The following GOLPH3L variants were observed in gnomAD, a reference collection of about 807,000 sequenced individuals.
GOLPH3L encodes the protein Golgi phosphoprotein 3-like.
A neutral mutation model predicts 30.3 loss-of-function variants in GOLPH3L; 22 were observed. The observed-to-expected ratio is 0.73, with a 90% CI of 0.52 to 1.04. The LOEUF (loss-of-function observed/expected upper bound fraction) is 1.04. GOLPH3L is among the 50% of genes least tolerant of loss of function. The pLI is 0.00. For synonymous variants in GOLPH3L, 120 were observed against 128.2 expected, an observed-to-expected ratio of 0.94 and a Z score of 0.43; for missense variants, 303 against 345.8, an observed-to-expected ratio of 0.88 and a Z score of 0.98.
intron 2 of GOLPH3L, 107 bp from the exon 3 acceptor site, chr1:150,663,870 C>G: frequency 1.3e-6 from 1 of 798,122 alleles, no homozygotes; most frequent in South Asian, 1.7e-5. Context: ...TCACATCATA[C>G]TACATGAACT....
At chr1:150,660,024 A>C (rs1341197482) in intron 4 of GOLPH3L, among the ~76,000 whole-genome samples, 6 of 152,112 alleles carry the variant, frequency 3.9e-5, no homozygotes, top group Admixed American at 2.0e-4. Context: ...ACAGAGTGAG[A>C]CCGCATCTCA....
rs189920717 is a variant in GOLPH3L, at chr1:150,689,444, A to C, written c.183+5212T>G. 6.1e-4 allele frequency among the ~76,000 whole-genome samples: 93 copies of C among 152,308 alleles called. 1 individual carries two copies. The highest frequency in any genetic ancestry group is 2.2e-3 in the African/African-American group (93 of 41,576). On this transcript the variant is annotated intron_variant, in intron 2 of 4. Coordinates refer to ENST00000271732, the MANE Select transcript of GOLPH3L (RefSeq NM_018178.6). ...CTTACCAAAGGCAATAATAACAAAT[A>C]AGCAGATTCCTGATTTCAACAGGAG...
chr1:150,694,514 G>C (rs2867300), intron 2 of GOLPH3L, 142 bp downstream of exon 2: 219,371 of 544,102 alleles, frequency 0.4, 45,214 homozygotes, highest in South Asian at 0.53. Flanking sequence ...ATCGGTCACT[G>C]TCCCAACTCC....
intron 2 of GOLPH3L, among the ~76,000 whole-genome samples, chr1:150,670,107 T>C (rs34140753): frequency 0.39 from 58,351 of 148,330 alleles, 11,536 homozygotes; most frequent in South Asian, 0.56. Flanking sequence ...CTAAAAAATA[T>C]AAAAATTGGC....
intron 4 of GOLPH3L, among the ~76,000 whole-genome samples, chr1:150,653,455 CTTTTTTTTTTTTT>C (rs71086589): frequency 3.2e-5 from 2 of 62,656 alleles, no homozygotes; most frequent in Admixed American, 3.7e-4. Context: ...TTGAAAGCAA[CTTTTTTTTTTTTT>C]TTTTTTTTTT....
chr1:150,694,786 TCA>T lies in GOLPH3L; in HGVS notation c.51_52del (p.Glu18LysfsTer6). ...GTCTTCCTCACTTTCCATCTTCTTT[TCA>T]GAGTTCTTGCTTATTTCAGTGCGAC... On this transcript the variant is annotated frameshift_variant, in exon 2 of 5. Coordinates refer to ENST00000271732, the MANE Select transcript of GOLPH3L (RefSeq NM_018178.6). LOFTEE classifies it high-confidence loss of function. The T allele has an allele frequency of 2.0e-5, 32 of 1,613,588 alleles. No homozygotes were observed. Among genetic ancestry groups the T allele is most frequent in the Non-Finnish European group, 2.6e-5 (31 of 1,179,556 alleles).
In GOLPH3L at chr1:150,647,536, A is replaced by G. The variant is rs865808273; in HGVS notation, c.*785T>C. On this transcript the variant is annotated 3_prime_UTR_variant, in exon 5 of 5. Transcript: ENST00000271732. The stretch of plus-strand genomic sequence containing the variant: ...GTGGCCTGGGGGAAACAGGACAGTC[A>G]TATACCCCAAGAATGGAAATTTTCA... The G allele has an allele frequency of 1.3e-5, 2 of 152,228 alleles. No individual in the cohort carries two copies. Among genetic ancestry groups the G allele is most frequent in the Non-Finnish European group, 1.5e-5 (1 of 68,234 alleles). 9.4% of individuals were successfully genotyped at this position (152,228 alleles called of 1,614,324 possible). A position where few individuals can be genotyped will look rare whatever the true frequency, so the allele number is the denominator to read the frequency against.
chr1:150,694,873 A>G (rs369508395), intron 1 of GOLPH3L, 23 bp from the exon 2 acceptor site: 18 of 1,383,306 alleles, frequency 1.3e-5, no homozygotes, highest in South Asian at 1.3e-4. Flanking sequence ...GTGAAAAAAA[A>G]AATCCATATG....
At chr1:150,649,406 AC>A (rs1395047969) in intron 4 of GOLPH3L, among the ~76,000 whole-genome samples, 2 of 152,190 alleles carry the variant, frequency 1.3e-5, no homozygotes, top group Admixed American at 6.5e-5. Context: ...GAGAGGACTG[AC>A]TTTATTTGGA....
intron 2 of GOLPH3L, among the ~76,000 whole-genome samples, chr1:150,683,697 C>A (rs1651015304): frequency 9.5e-5 from 2 of 21,042 alleles, no homozygotes; most frequent in Admixed American, 9.3e-4. Context: ...GAGACTCTCT[C>A]TCAAAAAAAA....
At chr1:150,693,534 A>T (rs1273404516) in intron 2 of GOLPH3L, among the ~76,000 whole-genome samples, 2 of 151,952 alleles carry the variant, frequency 1.3e-5, no homozygotes, top group African/African-American at 4.8e-5. Context: ...CAGATTGTTT[A>T]AAATGTTACC....
Position 150,656,798 on chromosome 1 carries a change from C to T in GOLPH3L, c.430+5016G>A, listed in dbSNP as rs587595355. 7.2e-5 allele frequency among the ~76,000 whole-genome samples: 11 copies of T among 152,222 alleles called. No homozygotes were observed. In the South Asian group the frequency reaches 2.3e-3, roughly 32 times the overall value. ...TTATAAATAATCTTACTTGGCAAAC[C>T]CACTTAGCTAACTTTGTGGGTATTC... On this transcript the variant is annotated intron_variant, in intron 4 of 4. Coordinates refer to ENST00000271732, the MANE Select transcript of GOLPH3L (RefSeq NM_018178.6).
At chr1:150,680,545 T>C (rs964896914) in intron 2 of GOLPH3L, among the ~76,000 whole-genome samples, 22 of 152,344 alleles carry the variant, frequency 1.4e-4, no homozygotes, top group African/African-American at 5.1e-4. Context: ...CATTTTTCAG[T>C]GCCCTCTTGT....
At chr1:150,685,333 T>G (rs587647369) in intron 2 of GOLPH3L, among the ~76,000 whole-genome samples, 1 of 152,312 alleles carries the variant, frequency 6.6e-6, no homozygotes, top group East Asian at 1.9e-4. Context: ...AAGAAAGATA[T>G]GGATAAGACC....
At chr1:150,696,463 G>C (rs999841500) in intron 1 of GOLPH3L, among the ~76,000 whole-genome samples, 1 of 151,948 alleles carries the variant, frequency 6.6e-6, no homozygotes, top group Non-Finnish European at 1.5e-5. Context: ...TTAAGAACAG[G>C]GATATTGTCT....
chr1:150,667,351 G>T (rs587720077), intron 2 of GOLPH3L, among the ~76,000 whole-genome samples: 1 of 152,128 alleles, frequency 6.6e-6, no homozygotes, highest in Admixed American at 6.5e-5. Flanking sequence ...AATTCTATTT[G>T]TCCTGCTATA....
chr1:150,663,785 GAGAA>G (rs756530377), intron 2 of GOLPH3L, 22 bp from the exon 3 acceptor site: 163 of 1,607,138 alleles, frequency 1.0e-4, no homozygotes, highest in Non-Finnish European at 1.3e-4. Flanking sequence ...GAAAAGAGAA[GAGAA>G]AGAATGTTTT....
intron 2 of GOLPH3L, among the ~76,000 whole-genome samples, chr1:150,665,046 C>G (rs1284098859): frequency 6.6e-6 from 1 of 152,028 alleles, no homozygotes; most frequent in Non-Finnish European, 1.5e-5. Flanking sequence ...CGTTTAATTA[C>G]TAATGTCTAT....
chr1:150,689,906 T>C (rs1045145149), intron 2 of GOLPH3L, among the ~76,000 whole-genome samples: 1 of 152,108 alleles, frequency 6.6e-6, no homozygotes, highest in African/African-American at 2.4e-5. Context: ...CCCAAAGTGC[T>C]GGGATTATAG....
Sources: allele counts gnomAD v4.1 joint callset (sites outside exome capture counted in the v4.1 genomes callset), GRCh38; gene constraint gnomAD v4.1.1; transcripts MANE v1.5; gene names NCBI Gene and HGNC (gene_info 2026-07-23, HGNC 2026-07-21).